THSD7A: variants seen among roughly 807,000 people sequenced by gnomAD.
THSD7A encodes the protein thrombospondin type-1 domain-containing protein 7A.
A neutral mutation model predicts 231.3 loss-of-function variants in THSD7A; 96 were observed. That is an observed-to-expected ratio of 0.41 (90% CI 0.35 to 0.49). THSD7A has a LOEUF of 0.49. THSD7A is among the 20% of genes least tolerant of loss of function. The probability of loss-of-function intolerance (pLI) is 0.05; values close to 1 mark genes in which losing one functional copy is unlikely to be tolerated. For synonymous variants in THSD7A, 940 were observed against 743.3 expected (o/e 1.26, Z -4.30); for missense variants, 2,290 against 2,070.2 (o/e 1.11, Z -2.06).
At chr7:11,478,591 G>T (rs1323238983) in intron 7 of THSD7A, among the ~76,000 whole-genome samples, 1 of 151,986 alleles carries the variant, frequency 6.6e-6, no homozygotes, top group South Asian at 2.1e-4. Flanking sequence ...GGAAGTGAAA[G>T]AAAGGAAAAG....
chr7:11,610,836 T>C (rs529537396), intron 2 of THSD7A, among the ~76,000 whole-genome samples: 5 of 152,254 alleles, frequency 3.3e-5, no homozygotes, highest in Non-Finnish European at 4.4e-5. Flanking sequence ...AAAGTGCCCA[T>C]TGTTGGCTAT....
chr7:11,598,574 G>T (rs536833235), intron 2 of THSD7A, among the ~76,000 whole-genome samples: 9 of 152,288 alleles, frequency 5.9e-5, no homozygotes, highest in African/African-American at 2.2e-4. Flanking sequence ...AGCACTTATG[G>T]GGGAATGGCC....
At chr7:11,800,898 T>TAC (rs148353566) in intron 1 of THSD7A, among the ~76,000 whole-genome samples, 32 of 152,048 alleles carry the variant, frequency 2.1e-4, no homozygotes, top group East Asian at 1.2e-3. Flanking sequence ...AACACACACA[T>TAC]ACACACACAC....
intron 4 of THSD7A, among the ~76,000 whole-genome samples, chr7:11,581,587 G>A (rs1326248712): frequency 6.6e-6 from 1 of 151,956 alleles, no homozygotes; most frequent in Non-Finnish European, 1.5e-5. Context: ...TTAGAAGTTG[G>A]CAATTGCTTT....
At chr7:11,428,165 T>C (rs192750459) in intron 14 of THSD7A, among the ~76,000 whole-genome samples, 88 of 152,304 alleles carry the variant, frequency 5.8e-4, no homozygotes, top group African/African-American at 2.0e-3. Flanking sequence ...ACTTGATTCA[T>C]TTGATTGTGA....
At chr7:11,712,618 A>G in intron 1 of THSD7A, among the ~76,000 whole-genome samples, 1 of 148,706 alleles carries the variant, frequency 6.7e-6, no homozygotes, top group Non-Finnish European at 1.5e-5. Flanking sequence ...CATCTTAGGT[A>G]TGCTTGACCC....
At chr7:11,708,511 C>A (rs1354689629) in intron 1 of THSD7A, among the ~76,000 whole-genome samples, 1 of 150,666 alleles carries the variant, frequency 6.6e-6, no homozygotes, top group Admixed American at 6.6e-5. Flanking sequence ...GAACAAAGTA[C>A]AAGTCAACAT....
chr7:11,717,717 C>G (rs1250401214), intron 1 of THSD7A, among the ~76,000 whole-genome samples: 3 of 151,652 alleles, frequency 2.0e-5, no homozygotes, highest in African/African-American at 4.8e-5. Context: ...ACAACTGCTT[C>G]TACACCTACC....
Position 11,480,482 on chromosome 7 carries a change from T to C in THSD7A, c.2017+1306A>G, listed in dbSNP as rs116986026. 5.3e-5 allele frequency among the ~76,000 whole-genome samples: 8 copies of C among 152,294 alleles called. No homozygotes were observed. In the East Asian group the frequency reaches 9.6e-4, roughly 18 times the overall value. Reference sequence around the variant, plus strand: ...GAGCTGATAGAGTTTAAAGCCTTCATACAATCTTCACGAGGTTAGAGTCAT... The same window carrying C: ...GAGCTGATAGAGTTTAAAGCCTTCACACAATCTTCACGAGGTTAGAGTCAT... On this transcript the variant is annotated intron_variant, in intron 7 of 27. Transcript: ENST00000423059.
intron 6 of THSD7A, among the ~76,000 whole-genome samples, chr7:11,491,678 C>A (rs1457657796): frequency 6.6e-6 from 1 of 152,064 alleles, no homozygotes; most frequent in Non-Finnish European, 1.5e-5. Context: ...TAGTCACATT[C>A]ATCAGAATTT....
chr7:11,459,701 T>TTTTTTAA (rs1785431582), intron 11 of THSD7A, among the ~76,000 whole-genome samples: 1 of 68,340 alleles, frequency 1.5e-5, no homozygotes, highest in South Asian at 5.2e-4. Flanking sequence ...TTTTTTTTTT[T>TTTTTTAA]ACAAAACAGA....
At chr7:11,538,773 G>C (rs1789022021) in intron 6 of THSD7A, among the ~76,000 whole-genome samples, 1 of 152,048 alleles carries the variant, frequency 6.6e-6, no homozygotes, top group South Asian at 2.1e-4. Context: ...TTCTCTGACA[G>C]AGAAGCTATG....
At chr7:11,617,769 T>TCACA (rs1781157784) in intron 2 of THSD7A, among the ~76,000 whole-genome samples, 1 of 152,050 alleles carries the variant, frequency 6.6e-6, no homozygotes, top group Non-Finnish European at 1.5e-5. Context: ...ACAAGGACTA[T>TCACA]AGGCGGGAAT....
At chr7:11,500,229 G>C (rs1787275066) in intron 6 of THSD7A, among the ~76,000 whole-genome samples, 1 of 152,128 alleles carries the variant, frequency 6.6e-6, no homozygotes, top group Non-Finnish European at 1.5e-5. Context: ...GCCAAACTAA[G>C]CTTCCTAAGT....
chr7:11,746,019 T>C (rs1782287522), intron 1 of THSD7A, among the ~76,000 whole-genome samples: 1 of 152,098 alleles, frequency 6.6e-6, no homozygotes, highest in African/African-American at 2.4e-5. Context: ...GCATTGAATC[T>C]ATAAATTACC....
intron 13 of THSD7A, among the ~76,000 whole-genome samples, chr7:11,442,549 G>A (rs1784839178): frequency 6.6e-6 from 1 of 152,010 alleles, no homozygotes; most frequent in Admixed American, 6.6e-5. Context: ...CATCCATCTA[G>A]AAAGCTGATT....
chr7:11,387,675 C>T (rs907755928), intron 23 of THSD7A, among the ~76,000 whole-genome samples: 3 of 152,166 alleles, frequency 2.0e-5, no homozygotes, highest in African/African-American at 7.2e-5. Flanking sequence ...TTGACTTCCT[C>T]TTTTACTATT....
At chr7:11,823,980 C>T (rs945778602) in intron 1 of THSD7A, among the ~76,000 whole-genome samples, 3 of 151,690 alleles carry the variant, frequency 2.0e-5, no homozygotes, top group African/African-American at 7.3e-5. Flanking sequence ...TTCAAATGAT[C>T]ACCTATGAAG....
chr7:11,769,158 T>TC (rs1783145608), intron 1 of THSD7A, among the ~76,000 whole-genome samples: 1 of 111,080 alleles, frequency 9.0e-6, no homozygotes, highest in Non-Finnish European at 1.9e-5. Flanking sequence ...TATATATTTT[T>TC]TTTTTTTTTT....
Sources: allele counts gnomAD v4.1 joint callset (sites outside exome capture counted in the v4.1 genomes callset), GRCh38; gene constraint gnomAD v4.1.1; transcripts MANE v1.5; gene names NCBI Gene and HGNC (gene_info 2026-07-23, HGNC 2026-07-21).